Variants in PRKCI observed in about 807,000 individuals in gnomAD.
PRKCI encodes protein kinase C iota.
A neutral mutation model predicts 84.0 loss-of-function variants in PRKCI; 43 were observed. That is an observed-to-expected ratio of 0.51 (90% CI 0.40 to 0.66). The LOEUF (loss-of-function observed/expected upper bound fraction) is 0.66. Ranked by LOEUF, PRKCI falls within the 30% of genes least tolerant of loss-of-function variation. The probability of loss-of-function intolerance (pLI) is 0.00; values close to 1 mark genes in which losing one functional copy is unlikely to be tolerated. For missense variants in PRKCI, 459 were observed against 745.6 expected (o/e 0.62, Z 4.48); for synonymous variants, 216 against 234.4 (o/e 0.92, Z 0.72).
chr3:170,237,491 C>A (rs910420880), intron 2 of PRKCI, among the ~76,000 whole-genome samples: 8 of 152,098 alleles, frequency 5.3e-5, no homozygotes, highest in African/African-American at 1.9e-4. Flanking sequence ...AAAGAACTTA[C>A]TCATGTAACC....
rs139576402 is a variant in PRKCI, at chr3:170,231,933, G to A, written c.102-3297G>A. Among the ~76,000 whole-genome samples, 239 of 152,296 alleles carry A rather than the reference G, an allele frequency of 1.6e-3. 1 individual carries two copies. Among genetic ancestry groups the A allele is most frequent in the African/African-American group, 5.5e-3 (227 of 41,560 alleles). On this transcript the variant is annotated intron_variant, in intron 1 of 17. Transcript: ENST00000295797. ...AAATGTTACTGAGGCCGAGTGTGGT[G>A]GCTCACGCCTGTAATTGTGCCACTG...
chr3:170,280,905 T>A (rs181600788), intron 9 of PRKCI, among the ~76,000 whole-genome samples: 3,259 of 152,244 alleles, frequency 0.021, 92 homozygotes, highest in South Asian at 0.11. Flanking sequence ...TAGATTTTTT[T>A]AAAAAAACAA....
At chr3:170,243,373 G>A (rs1268136063) in intron 2 of PRKCI, among the ~76,000 whole-genome samples, 2 of 152,152 alleles carry the variant, frequency 1.3e-5, no homozygotes, top group Non-Finnish European at 2.9e-5. Context: ...TTGCTGAGTA[G>A]TATTCTATCC....
In PRKCI at chr3:170,259,975, C is replaced by T. The variant is rs763696294; in HGVS notation, c.230C>T (p.Pro77Leu). ...TTACTTTTGTGTTTTTTAGGAGACC[C>T]GTGTACAGTATCATCTCAGTTGGAG... Reference protein sequence around the residue: ...TMKWIDEEGDPCTVSSQLELE... With the variant: ...TMKWIDEEGDLCTVSSQLELE... The change falls in exon 3 of 18, where the codon CCG becomes CTG. Residue 77 changes from proline to leucine, a missense_variant. By Grantham distance (98) the Pro-to-Leu change is moderately conservative (BLOSUM62 -3). Around this residue, in one of 2 missense-constraint regions of PRKCI, gnomAD observed 250 missense variants for 319.7 expected, o/e 0.78. Coordinates refer to ENST00000295797, the MANE Select transcript of PRKCI (RefSeq NM_002740.6). The T allele has an allele frequency of 2.5e-6, 4 of 1,609,850 alleles. No homozygotes were observed. The highest frequency in any genetic ancestry group is 1.7e-5 in the Admixed American group (1 of 59,538).
chr3:170,275,362 A>G, intron 8 of PRKCI, 75 bp downstream of exon 8: 4 of 1,405,840 alleles, frequency 2.8e-6, no homozygotes, highest in Non-Finnish European at 3.8e-6. Flanking sequence ...AGTATGACAT[A>G]TTGACCTGCT....
chr3:170,303,439 A>G lies in PRKCI; in HGVS notation c.*312A>G. On this transcript the variant is annotated 3_prime_UTR_variant, in exon 18 of 18. Transcript: ENST00000295797. ...AAAAAAAACACTGCATTAAAAAAGT[A>G]TCTGTTGCATTAAGGCACATAGTGG... The G allele has an allele frequency of 4.0e-6, 1 of 251,082 alleles. No individual in the cohort carries two copies. Among genetic ancestry groups the G allele is most frequent in the Non-Finnish European group, 7.6e-6 (1 of 131,430 alleles). 15.6% of individuals were successfully genotyped at this position (251,082 alleles called of 1,614,324 possible). A position where few individuals can be genotyped will look rare whatever the true frequency, so the allele number is the denominator to read the frequency against.
At chr3:170,286,044 C>T (rs1481741807) in intron 12 of PRKCI, among the ~76,000 whole-genome samples, 3 of 151,924 alleles carry the variant, frequency 2.0e-5, no homozygotes, top group Non-Finnish European at 4.4e-5. Context: ...CCTGCCTCAG[C>T]CTCCTGAGTA....
At chr3:170,232,684 G>A (rs990582989) in intron 1 of PRKCI, among the ~76,000 whole-genome samples, 2 of 151,960 alleles carry the variant, frequency 1.3e-5, no homozygotes, top group African/African-American at 4.8e-5. Flanking sequence ...CTCGTGAGTA[G>A]CTGGGACTAC....
intron 2 of PRKCI, among the ~76,000 whole-genome samples, chr3:170,250,822 G>T (rs936840068): frequency 1.3e-5 from 2 of 152,136 alleles, no homozygotes; most frequent in Admixed American, 6.6e-5. Flanking sequence ...CAGTGTATGA[G>T]AATTCCAATT....
chr3:170,257,703 T>C (rs1386377123), intron 2 of PRKCI, among the ~76,000 whole-genome samples: 1 of 150,902 alleles, frequency 6.6e-6, no homozygotes, highest in Non-Finnish European at 1.5e-5. Flanking sequence ...TCGCTCTTGT[T>C]GCCCAGGCTG....
chr3:170,240,644 T>C (rs1362581498), intron 2 of PRKCI, among the ~76,000 whole-genome samples: 1 of 152,216 alleles, frequency 6.6e-6, no homozygotes, highest in Non-Finnish European at 1.5e-5. Context: ...CATGTAGGCA[T>C]TGGGGCATGT....
intron 7 of PRKCI, among the ~76,000 whole-genome samples, chr3:170,273,999 C>T (rs1734057293): frequency 6.6e-6 from 1 of 151,786 alleles, no homozygotes; most frequent in Admixed American, 6.6e-5. Flanking sequence ...TAAACTACAA[C>T]AAATGACTAT....
intron 1 of PRKCI, among the ~76,000 whole-genome samples, chr3:170,227,402 T>C (rs73034310): frequency 1.3e-5 from 2 of 152,112 alleles, no homozygotes; most frequent in African/African-American, 4.8e-5. Context: ...GAAGGACATA[T>C]AAGAGTTACA....
rs1053386586 is a variant in PRKCI, at chr3:170,305,249, A to G, written c.*2122A>G. The G allele has an allele frequency of 6.6e-6, 1 of 152,626 alleles. No homozygotes were observed. Among genetic ancestry groups the G allele is most frequent in the African/African-American group, 2.4e-5 (1 of 41,444 alleles). 9.5% of individuals were successfully genotyped at this position (152,626 alleles called of 1,614,324 possible). On this transcript the variant is annotated 3_prime_UTR_variant, in exon 18 of 18. Coordinates refer to ENST00000295797, the MANE Select transcript of PRKCI (RefSeq NM_002740.6). ...AGGAAGTTGGTTTAAAATGCACACTAGTGAGCCCACCTTAGACTTCTTTTG... is the reference window on the plus strand; with the variant it reads ...AGGAAGTTGGTTTAAAATGCACACTGGTGAGCCCACCTTAGACTTCTTTTG...
At chr3:170,269,914 T>C (rs533442595) in intron 5 of PRKCI, among the ~76,000 whole-genome samples, 1 of 151,628 alleles carries the variant, frequency 6.6e-6, no homozygotes, top group Admixed American at 6.6e-5. Context: ...GCTGAGATTG[T>C]GCCATTGCAT....
intron 12 of PRKCI, among the ~76,000 whole-genome samples, chr3:170,285,074 A>G (rs374119247): frequency 7.0e-6 from 1 of 142,938 alleles, no homozygotes; most frequent in African/African-American, 2.6e-5. Context: ...ATATGTCTTC[A>G]TTTCTTTTTT....
chr3:170,231,534 G>A (rs1232426845), intron 1 of PRKCI, among the ~76,000 whole-genome samples: 1 of 151,682 alleles, frequency 6.6e-6, no homozygotes, highest in African/African-American at 2.4e-5. Context: ...GCGTGATCTC[G>A]GCTCACTGCA....
At chr3:170,269,792 T>C (rs917675167) in intron 5 of PRKCI, among the ~76,000 whole-genome samples, 1 of 152,214 alleles carries the variant, frequency 6.6e-6, no homozygotes, top group East Asian at 1.9e-4. Flanking sequence ...ACCCCATCTC[T>C]ACTAAAAATA....
chr3:170,295,895 A>C lies in PRKCI; in HGVS notation c.1418-16A>C, dbSNP rs770546611. 3.4e-6 allele frequency: 5 copies of C among 1,470,638 alleles called. No homozygotes were observed. In the East Asian group the frequency reaches 9.2e-5, roughly 27 times the overall value. 91.1% of individuals were successfully genotyped at this position (1,470,638 alleles called of 1,614,324 possible). A position where few individuals can be genotyped will look rare whatever the true frequency, so the allele number is the denominator to read the frequency against. The stretch of plus-strand genomic sequence containing the variant: ...TGTAAAAGTTAAATATAATACTATA[A>C]TTTTTATCTTTCTAGTTATTTTGGA... On this transcript the variant is annotated splice_polypyrimidine_tract_variant and intron_variant, in intron 14 of 17. Transcript: ENST00000295797.
Sources: allele counts gnomAD v4.1 joint callset (sites outside exome capture counted in the v4.1 genomes callset), GRCh38; gene constraint gnomAD v4.1.1; regional missense constraint gnomAD v4.1.1; transcripts MANE v1.5; gene names NCBI Gene and HGNC (gene_info 2026-07-23, HGNC 2026-07-21).